The following CYYR1 variants were observed in gnomAD, a reference collection of about 807,000 sequenced individuals.
CYYR1 encodes cysteine and tyrosine-rich protein 1.
In CYYR1, 14 loss-of-function variants were observed where a neutral mutation model predicts 15.2. The observed-to-expected ratio is 0.92, with a 90% CI of 0.61 to 1.44. The LOEUF (loss-of-function observed/expected upper bound fraction) is 1.44. CYYR1 is among the 40% of genes most tolerant of loss of function. The probability of loss-of-function intolerance (pLI) is 0.00; values close to 1 mark genes in which losing one functional copy is unlikely to be tolerated. For synonymous variants in CYYR1, 80 were observed against 77.4 expected, an observed-to-expected ratio of 1.03 and a Z score of -0.18; for missense variants, 228 against 209.5, an observed-to-expected ratio of 1.09 and a Z score of -0.54.
intron 3 of CYYR1, among the ~76,000 whole-genome samples, chr21:26,470,342 A>C (rs6516733): frequency 0.058 from 8,844 of 152,220 alleles, 882 homozygotes; most frequent in African/African-American, 0.2. Flanking sequence ...GATATGCAGA[A>C]AAAAACTATG....
At chr21:26,474,454 GC>G (rs1346414623) in intron 3 of CYYR1, among the ~76,000 whole-genome samples, 1 of 107,346 alleles carries the variant, frequency 9.3e-6, no homozygotes, top group East Asian at 2.6e-4. Context: ...TTGCTATTTT[GC>G]CCAAGCCAGG....
intron 2 of CYYR1, among the ~76,000 whole-genome samples, chr21:26,529,271 A>G (rs1020889302): frequency 1.2e-4 from 19 of 152,224 alleles, no homozygotes; most frequent in Non-Finnish European, 2.2e-4. Flanking sequence ...ATAATCTTAC[A>G]TATGTTTCTT....
intron 2 of CYYR1, among the ~76,000 whole-genome samples, chr21:26,508,205 G>A (rs1245576711): frequency 2.0e-5 from 3 of 152,170 alleles, no homozygotes; most frequent in Non-Finnish European, 4.4e-5. Context: ...GCGGCTTTGT[G>A]TGGCTGCAGC....
At chr21:26,499,055 G>T (rs1250651017) in intron 2 of CYYR1, among the ~76,000 whole-genome samples, 1 of 152,144 alleles carries the variant, frequency 6.6e-6, no homozygotes, top group Non-Finnish European at 1.5e-5. Flanking sequence ...GATAATAAAA[G>T]TCGAGAATGG....
At chr21:26,556,849 T>C (rs1253576688) in intron 2 of CYYR1, among the ~76,000 whole-genome samples, 1 of 152,154 alleles carries the variant, frequency 6.6e-6, no homozygotes, top group Non-Finnish European at 1.5e-5. Flanking sequence ...AGAGAAGGGA[T>C]AATGCTACGG....
chr21:26,567,734 T>C (rs1041985019), intron 1 of CYYR1, among the ~76,000 whole-genome samples: 6 of 152,110 alleles, frequency 3.9e-5, no homozygotes. Context: ...ACATTAAAAA[T>C]ACAAAATATT....
Position 26,468,533 on chromosome 21 carries a change from G to T in CYYR1, c.436C>A (p.Pro146Thr). The T allele has an allele frequency of 1.9e-6, 3 of 1,606,676 alleles. No homozygotes were observed. The highest frequency in any genetic ancestry group is 1.7e-6 in the Non-Finnish European group (2 of 1,173,264). The change falls in exon 4 of 4, where the codon CCC (proline) becomes ACC (threonine). Residue 146 changes from proline (P) to threonine (T), a missense_variant. Transcript: ENST00000652641. ...CTTGCGTTTCCAGGATAAGGAGGGG[G>T]TGGAGAACGCTGTGCTGGACCCTGT... is the stretch of plus-strand genomic sequence containing the variant. The part of the protein sequence containing the change: ...TPQGPAQRSP[P>T]PPYPGNARK
At chr21:26,483,198 A>G (rs1030118542) in intron 2 of CYYR1, among the ~76,000 whole-genome samples, 1 of 151,948 alleles carries the variant, frequency 6.6e-6, no homozygotes, top group African/African-American at 2.4e-5. Flanking sequence ...CTCATCCTCT[A>G]TTGCACTCCC....
At chr21:26,511,787 C>T (rs1225941796) in intron 2 of CYYR1, among the ~76,000 whole-genome samples, 1 of 152,114 alleles carries the variant, frequency 6.6e-6, no homozygotes, top group African/African-American at 2.4e-5. Context: ...TGCTTTCCTC[C>T]TTTTATTCTT....
At position 26,517,114 on chromosome 21, in the gene CYYR1, CAAAAAAAAAAAAAAA is replaced by C. The variant is rs61352955; in HGVS notation, c.177-36700_177-36686del. ...TGGGCGACAGAGCGAGACTCCGTCT[CAAAAAAAAAAAAAAA>C]AAAAAAAAAAAAAAAGAATTCACTG... On this transcript the variant is annotated intron_variant, in intron 2 of 3. Transcript: ENST00000652641. Among the ~76,000 whole-genome samples the C allele has an allele frequency of 6.4e-5, 3 of 46,698 alleles. 1 individual carries two copies. Among genetic ancestry groups the C allele is most frequent in the Non-Finnish European group, 1.1e-4 (3 of 27,666 alleles). 30.6% of individuals were successfully genotyped at this position (46,698 alleles called of 152,430 possible).
At chr21:26,561,008 A>G (rs1356995275) in intron 2 of CYYR1, among the ~76,000 whole-genome samples, 1 of 152,368 alleles carries the variant, frequency 6.6e-6, no homozygotes, top group East Asian at 1.9e-4. Flanking sequence ...CAATTATAAC[A>G]GCATAGAAAT....
At chr21:26,520,826 A>T (rs1200752980) in intron 2 of CYYR1, among the ~76,000 whole-genome samples, 1 of 152,176 alleles carries the variant, frequency 6.6e-6, no homozygotes, top group Non-Finnish European at 1.5e-5. Flanking sequence ...TTCTCTGATG[A>T]TCAGTGATGT....
intron 3 of CYYR1, chr21:26,471,805 G>A (rs955225919): frequency 6.6e-6 from 1 of 152,112 alleles, no homozygotes; most frequent in East Asian, 1.9e-4. Flanking sequence ...CTGGAGATAC[G>A]TGCCTTTGAA....
At chr21:26,561,488 T>C (rs2123716404) in intron 2 of CYYR1, among the ~76,000 whole-genome samples, 1 of 152,368 alleles carries the variant, frequency 6.6e-6, no homozygotes, top group South Asian at 2.1e-4. Context: ...CTTTCATGCA[T>C]AGCATGGCTC....
chr21:26,569,781 C>T lies in CYYR1; in HGVS notation c.73+3087G>A, dbSNP rs778466175. Among the ~76,000 whole-genome samples, 6 of 152,254 alleles carry T rather than the reference C, an allele frequency of 3.9e-5. No individual in the cohort carries two copies. The East Asian group carries it at 7.7e-4, about 20-fold the overall frequency. Reference sequence around the variant, plus strand: ...TCAATATCGAAGATTCAATTGCTACCGTTGCATTCCGGTGACTACTTTTAT... The same window carrying T: ...TCAATATCGAAGATTCAATTGCTACTGTTGCATTCCGGTGACTACTTTTAT... On this transcript the variant is annotated intron_variant, in intron 1 of 3. Coordinates refer to ENST00000652641, the MANE Select transcript of CYYR1 (RefSeq NM_001320768.2).
intron 2 of CYYR1, among the ~76,000 whole-genome samples, chr21:26,563,746 G>T (rs1265254129): frequency 6.6e-6 from 1 of 152,166 alleles, no homozygotes; most frequent in East Asian, 1.9e-4. Flanking sequence ...CAACTCTGAT[G>T]ATTTCAGCTG....
intron 2 of CYYR1, among the ~76,000 whole-genome samples, chr21:26,511,405 C>T (rs1382295978): frequency 6.6e-6 from 1 of 152,190 alleles, no homozygotes; most frequent in East Asian, 1.9e-4. Context: ...CCTGCCTAGT[C>T]ATTGGCTCAC....
At chr21:26,561,750 G>T (rs989756294) in intron 2 of CYYR1, among the ~76,000 whole-genome samples, 1 of 152,084 alleles carries the variant, frequency 6.6e-6, no homozygotes, top group Non-Finnish European at 1.5e-5. Context: ...AATTAAATGC[G>T]ATATATTGTC....
chr21:26,566,500 G>A, intron 1 of CYYR1, 132 bp from the exon 2 acceptor site: 1 of 674,974 alleles, frequency 1.5e-6, no homozygotes, highest in Non-Finnish European at 2.6e-6. Context: ...TTCGTCCTCA[G>A]AATTCAAAAA....
Sources: allele counts gnomAD v4.1 joint callset (sites outside exome capture counted in the v4.1 genomes callset), GRCh38; gene constraint gnomAD v4.1.1; transcripts MANE v1.5; gene names NCBI Gene and HGNC (gene_info 2026-07-23, HGNC 2026-07-21).